EMC2: variants seen among roughly 807,000 people sequenced by gnomAD.
EMC2 encodes the protein TPR repeat protein 35.
EMC2 carries 37 observed loss-of-function variants against 51.6 expected under a neutral mutation model. That is an observed-to-expected ratio of 0.72 (90% CI 0.55 to 0.94). The LOEUF (loss-of-function observed/expected upper bound fraction) is 0.94, where lower values mean the gene tolerates loss of function less well. EMC2 is among the 40% of genes least tolerant of loss of function. The probability of loss-of-function intolerance (pLI) is 0.00; values close to 1 mark genes in which losing one functional copy is unlikely to be tolerated. For missense variants in EMC2, 359 were observed against 350.9 expected (o/e 1.02, Z -0.18); for synonymous variants, 131 against 112.4 (o/e 1.17, Z -1.04).
chr8:108,457,331 CGTGTGTGTGTGT>C lies in EMC2; in HGVS notation c.363+1432_363+1443del, dbSNP rs56319322. Among the ~76,000 whole-genome samples the C allele has an allele frequency of 6.6e-3, 849 of 128,080 alleles. 3 individuals are homozygous for C. The highest frequency in any genetic ancestry group is 8.1e-3 in the African/African-American group (291 of 35,808). 84.0% of individuals were successfully genotyped at this position (128,080 alleles called of 152,430 possible). On this transcript the variant is annotated intron_variant, in intron 5 of 10. Transcript: ENST00000220853. ...TTGTGTAGGGATGTGCGTGTGTGTG[CGTGTGTGTGTGT>C]GTGTGTGTGTGTGTGTGTGTGTGTG...
chr8:108,452,453 G>A (rs1819051324), intron 3 of EMC2, among the ~76,000 whole-genome samples: 1 of 152,146 alleles, frequency 6.6e-6, no homozygotes, highest in South Asian at 2.1e-4. Context: ...TGTAGTCCGA[G>A]CTACTTGGGA....
In EMC2 at chr8:108,476,838, A is replaced by C; in HGVS notation, c.648A>C (p.Ala216=). 6.2e-7 allele frequency: 1 copy of C among 1,607,612 alleles called. No individual in the cohort carries two copies. The highest frequency in any genetic ancestry group is 1.1e-5 in the South Asian group (1 of 90,894). The change falls in exon 9 of 11, where the codon GCA becomes GCC. Residue 216 remains alanine (A), a synonymous_variant. Coordinates refer to ENST00000220853, the MANE Select transcript of EMC2 (RefSeq NM_014673.5). ...TCGAACTTTCAAGAAAGTATTTTGCACAGGCATTGAAACTGAACAACAGAA... is the reference window on the plus strand; with the variant it reads ...TCGAACTTTCAAGAAAGTATTTTGCCCAGGCATTGAAACTGAACAACAGAA... The part of the protein sequence containing the change: ...ENLELSRKYF[A]QALKLNNRNM...
At chr8:108,454,458 T>C (rs375677104) in intron 4 of EMC2, among the ~76,000 whole-genome samples, 1 of 152,108 alleles carries the variant, frequency 6.6e-6, no homozygotes, top group Non-Finnish European at 1.5e-5. Context: ...AACACTATAC[T>C]GATTCACAGT....
chr8:108,456,815 G>A (rs1819175757), intron 5 of EMC2, among the ~76,000 whole-genome samples: 2 of 152,106 alleles, frequency 1.3e-5, no homozygotes, highest in Non-Finnish European at 2.9e-5. Flanking sequence ...TAATACATCA[G>A]TCATTTTAAT....
At chr8:108,464,831 C>G (rs775389083) in intron 5 of EMC2, among the ~76,000 whole-genome samples, 21 of 152,296 alleles carry the variant, frequency 1.4e-4, no homozygotes, top group Non-Finnish European at 1.9e-4. Flanking sequence ...ATGTGTAAGA[C>G]CAATTATCTT....
chr8:108,479,652 C>A lies in EMC2; in HGVS notation c.807+542C>A, dbSNP rs193044738. Among the ~76,000 whole-genome samples the A allele has an allele frequency of 3.1e-3, 479 of 152,190 alleles. 2 individuals are homozygous for A. Among genetic ancestry groups the A allele is most frequent in the Non-Finnish European group, 5.4e-3 (369 of 68,002 alleles). ...GAAATTTGCTCATGGGAAAACACAT[C>A]TTTTTATGTCTTTAGCCTTATTTGT... On this transcript the variant is annotated intron_variant, in intron 10 of 10. Transcript: ENST00000220853.
intron 1 of EMC2, 114 bp downstream of exon 1, chr8:108,443,812 C>G: frequency 1.1e-6 from 1 of 892,986 alleles, no homozygotes; most frequent in Non-Finnish European, 1.8e-6. Flanking sequence ...TACCAGAGCC[C>G]TCACTGTACG....
chr8:108,461,139 C>T (rs373083261), intron 5 of EMC2, among the ~76,000 whole-genome samples: 4 of 152,306 alleles, frequency 2.6e-5, no homozygotes, highest in Admixed American at 6.5e-5. Flanking sequence ...ATCTCAAAGG[C>T]GGGAAAGTCT....
chr8:108,475,828 A>G, intron 7 of EMC2, 54 bp from the exon 8 acceptor site: 2 of 976,712 alleles, frequency 2.0e-6, no homozygotes, highest in South Asian at 1.4e-5. Flanking sequence ...AGGTTTAACT[A>G]AGATAAAAAT....
intron 1 of EMC2, among the ~76,000 whole-genome samples, chr8:108,449,355 C>G (rs1316177529): frequency 6.6e-6 from 1 of 151,524 alleles, no homozygotes; most frequent in African/African-American, 2.4e-5. Flanking sequence ...CTCACGCAAT[C>G]TCTGCCTCCT....
At chr8:108,453,193 G>A in intron 4 of EMC2, 46 bp downstream of exon 4, 1 of 1,158,282 alleles carries the variant, frequency 8.6e-7, no homozygotes, top group Non-Finnish European at 1.2e-6. Context: ...TGTTAATCAT[G>A]GTGGTGTTAA....
chr8:108,460,586 A>C (rs1819294653), intron 5 of EMC2, among the ~76,000 whole-genome samples: 1 of 152,238 alleles, frequency 6.6e-6, no homozygotes, highest in Admixed American at 6.5e-5. Flanking sequence ...AAAATACTGT[A>C]TAAAATTGTT....
chr8:108,468,078 C>A (rs1318350865), intron 5 of EMC2, among the ~76,000 whole-genome samples: 1 of 152,066 alleles, frequency 6.6e-6, no homozygotes, highest in Admixed American at 6.5e-5. Flanking sequence ...TGTATATTGT[C>A]TATGGAAGAA....
chr8:108,469,765 C>T, intron 5 of EMC2, 61 bp from the exon 6 acceptor site: 1 of 1,398,234 alleles, frequency 7.2e-7, no homozygotes, highest in Non-Finnish European at 1.0e-6. Flanking sequence ...GTCAAATTAC[C>T]TTCTTTACAA....
Position 108,455,920 on chromosome 8 carries a change from C to A in EMC2, c.353C>A (p.Pro118Gln). 2.2e-6 allele frequency: 3 copies of A among 1,357,328 alleles called. No homozygotes were observed. Among genetic ancestry groups the A allele is most frequent in the Non-Finnish European group, 2.0e-6 (2 of 1,002,454 alleles). The allele number at this position is 1,357,328 out of a possible 1,614,324, so 84.1% of individuals were successfully genotyped here. The change falls in exon 5 of 11, where the codon CCA (proline) becomes CAA (glutamine). Residue 118 changes from proline to glutamine, a missense_variant. Transcript: ENST00000220853. ...TATGATAGGATTTTACAAGAAGATCCAACTAACACTGTAAGTTGGCAGATT... is the reference window on the plus strand; with the variant it reads ...TATGATAGGATTTTACAAGAAGATCAAACTAACACTGTAAGTTGGCAGATT... Reference protein sequence around the residue: ...QLYDRILQEDPTNTAARKRKI... With the variant: ...QLYDRILQEDQTNTAARKRKI...
chr8:108,486,691 A>G lies in EMC2; in HGVS notation c.*93A>G, dbSNP rs1355938751. On this transcript the variant is annotated 3_prime_UTR_variant, in exon 11 of 11. Coordinates refer to ENST00000220853, the MANE Select transcript of EMC2 (RefSeq NM_014673.5). ...TTACTAAATGCTCAGTGCTATTTAT[A>G]TACTACAGTAATTTTCTGTTAAGAA... 1.1e-5 allele frequency: 14 copies of G among 1,245,298 alleles called. No individual in the cohort carries two copies. Among genetic ancestry groups the G allele is most frequent in the Non-Finnish European group, 1.4e-5 (13 of 921,888 alleles). The allele number at this position is 1,245,298 out of a possible 1,614,324, so 77.1% of individuals were successfully genotyped here.
chr8:108,453,601 A>G (rs1457647829), intron 4 of EMC2, among the ~76,000 whole-genome samples: 2 of 151,810 alleles, frequency 1.3e-5, no homozygotes, highest in Non-Finnish European at 2.9e-5. Context: ...ATTCTTTTCT[A>G]ATGTTTCAAC....
rs869102478 is a variant in EMC2 at position 108,466,442 on chromosome 8, A to AT, written c.364-3356dup. ...ATTATGCTAAGGAAGCTATGATAGA[A>AT]TTTTTTTTTTTTTTTTTTTTTTTTT... On this transcript the variant is annotated intron_variant, in intron 5 of 10. Coordinates refer to ENST00000220853, the MANE Select transcript of EMC2 (RefSeq NM_014673.5). Among the ~76,000 whole-genome samples the AT allele has an allele frequency of 8.3e-3, 757 of 91,060 alleles. 83 individuals carry two copies. The highest frequency in any genetic ancestry group is 0.039 in the East Asian group (126 of 3,208). 59.7% of individuals were successfully genotyped at this position (91,060 alleles called of 152,430 possible).
rs758596346 is a variant in EMC2, at chr8:108,486,559, C to A, written c.855C>A (p.Val285=). 1.3e-6 allele frequency: 2 copies of A among 1,590,572 alleles called. No individual in the cohort carries two copies. The highest frequency in any genetic ancestry group is 1.7e-6 in the Non-Finnish European group (2 of 1,170,860). ...KKETKYSLKA[V]EDMLETLQIT... ...AAACCAAATATTCTCTTAAGGCTGT[C>A]GAAGACATGTTGGAAACATTGCAGA... is the stretch of plus-strand genomic sequence containing the variant. Residue 285 remains valine (V), a synonymous_variant, in exon 11 of 11, where the codon GTC becomes GTA. Transcript: ENST00000220853.
Sources: gnomAD v4.1 joint callset for allele counts (sites outside exome capture counted in the v4.1 genomes callset) on GRCh38, gnomAD v4.1.1 for gene constraint, MANE v1.5 for transcripts, NCBI Gene and HGNC (gene_info 2026-07-23, HGNC 2026-07-21) for gene names.